Variants in SLC22A5 observed in about 807,000 individuals in gnomAD.
SLC22A5 encodes organic cation/carnitine transporter 2.
In SLC22A5, 44 loss-of-function variants were observed where a neutral mutation model predicts 56.7. The observed-to-expected ratio is 0.78, with a 90% CI of 0.61 to 1.00. The LOEUF is 1.00. Ranked by LOEUF, SLC22A5 falls within the 50% of genes least tolerant of loss-of-function variation. The pLI is 0.00. For synonymous variants in SLC22A5, 278 were observed against 292.1 expected (o/e 0.95, Z 0.49); for missense variants, 675 against 723.0 (o/e 0.93, Z 0.76).
At chr5:132,370,835 A>G (rs979821225) in intron 1 of SLC22A5, among the ~76,000 whole-genome samples, 1 of 152,178 alleles carries the variant, frequency 6.6e-6, no homozygotes, top group Non-Finnish European at 1.5e-5. Flanking sequence ...TGTGTATACA[A>G]CTGCCTCTTC....
chr5:132,382,915 A>G (rs1167326857), intron 2 of SLC22A5: 2 of 152,210 alleles, frequency 1.3e-5, no homozygotes, highest in Non-Finnish European at 2.9e-5. Context: ...GCCAGACTCA[A>G]ACTGAACCCA....
chr5:132,377,869 G>T, intron 1 of SLC22A5: 2 of 404,878 alleles, frequency 4.9e-6, no homozygotes, highest in South Asian at 7.3e-5. Context: ...GGGGGTCATT[G>T]GCCCAGGGTG....
At chr5:132,386,016 G>A (rs1752512956) in intron 4 of SLC22A5, among the ~76,000 whole-genome samples, 1 of 152,246 alleles carries the variant, frequency 6.6e-6, no homozygotes, top group Non-Finnish European at 1.5e-5. Flanking sequence ...ACCCCTTGCA[G>A]GTGGAGAAGG....
chr5:132,385,205 G>T, intron 3 of SLC22A5, 123 bp from the exon 4 acceptor site: 1 of 909,244 alleles, frequency 1.1e-6, no homozygotes, highest in South Asian at 1.3e-5. Context: ...GCTCCCTAGC[G>T]CCATGAACTT....
chr5:132,392,077 A>G (rs1317671528), intron 7 of SLC22A5, among the ~76,000 whole-genome samples: 1 of 152,246 alleles, frequency 6.6e-6, no homozygotes, highest in Non-Finnish European at 1.5e-5. Context: ...TCATCTAAAC[A>G]TCATGAGTTA....
At chr5:132,385,539 T>C in intron 4 of SLC22A5, 40 bp downstream of exon 4, 1 of 1,585,282 alleles carries the variant, frequency 6.3e-7, no homozygotes, top group Non-Finnish European at 8.7e-7. Context: ...ACTGGCAGGA[T>C]GATTTCTGTC....
At chr5:132,377,898 G>A in intron 1 of SLC22A5, 2 of 525,878 alleles carry the variant, frequency 3.8e-6, no homozygotes, top group Non-Finnish European at 6.8e-6. Flanking sequence ...AGCAGAGCAG[G>A]TCCAGATGGT....
rs553248210 is a variant in SLC22A5 at position 132,370,454 on chromosome 5, A to G, written c.393+89A>G. ...CCGAGCTCCTCTCTCCCAGATGCGC[A>G]CTGGACGCTGTCACTCCCCCTCCCC... On this transcript the variant is annotated intron_variant, in intron 1 of 9. Coordinates refer to ENST00000245407, the MANE Select transcript of SLC22A5 (RefSeq NM_003060.4). 25 of 1,394,312 alleles carry G rather than the reference A, an allele frequency of 1.8e-5. No homozygotes were observed. The South Asian group carries it at 2.7e-4, about 15-fold the overall frequency. The allele number at this position is 1,394,312 out of a possible 1,614,324, so 86.4% of individuals were successfully genotyped here.
Position 132,388,925 on chromosome 5 carries a change from A to G in SLC22A5, c.956A>G (p.Gln319Arg), listed in dbSNP as rs1456314715. ...PSTIFDPSEL[Q>R]DLSSKKQQSH... ...CTTATGATGTTGTTCCTGCAGTTAC[A>G]AGACCTAAGTTCCAAGAAGCAGCAG... The change falls in exon 6 of 10, where the codon CAA (glutamine) becomes CGA (arginine). Residue 319 changes from glutamine (Q) to arginine (R), a missense_variant. Coordinates refer to ENST00000245407, the MANE Select transcript of SLC22A5 (RefSeq NM_003060.4). 1.9e-6 allele frequency: 3 copies of G among 1,610,076 alleles called. No individual in the cohort carries two copies. Among genetic ancestry groups the G allele is most frequent in the African/African-American group, 2.7e-5 (2 of 74,964 alleles).
chr5:132,374,000 C>G (rs1752042314), intron 1 of SLC22A5, among the ~76,000 whole-genome samples: 1 of 151,982 alleles, frequency 6.6e-6, no homozygotes, highest in African/African-American at 2.4e-5. Flanking sequence ...AGGTGGATCA[C>G]AAGGCAGGAG....
chr5:132,387,262 C>A, intron 5 of SLC22A5, 111 bp downstream of exon 5: 1 of 1,324,908 alleles, frequency 7.5e-7, no homozygotes. Context: ...CTCTCTCCGC[C>A]CAAGCCCCAA....
chr5:132,384,721 T>C (rs775990123), intron 3 of SLC22A5, among the ~76,000 whole-genome samples: 68 of 152,230 alleles, frequency 4.5e-4, no homozygotes, highest in Non-Finnish European at 7.9e-4. Flanking sequence ...GAACCCCTTG[T>C]CTGCAGAGCA....
Position 132,383,881 on chromosome 5 carries a change from A to T in SLC22A5, c.498-266A>T, listed in dbSNP as rs143429111. 1.4e-3 allele frequency: 690 copies of T among 506,056 alleles called. 5 individuals carry two copies. Among genetic ancestry groups the T allele is most frequent in the African/African-American group, 0.012 (616 of 52,372 alleles). 31.3% of individuals were successfully genotyped at this position (506,056 alleles called of 1,614,324 possible). A position where few individuals can be genotyped will look rare whatever the true frequency, so the allele number is the denominator to read the frequency against. On this transcript the variant is annotated intron_variant, in intron 2 of 9. Coordinates refer to ENST00000245407, the MANE Select transcript of SLC22A5 (RefSeq NM_003060.4). ...AATGTATGGATTAAATAATTGATGT[A>T]TTTCAGTCTCTTGCAATCATTATCA...
rs1308198123 is a variant in SLC22A5, at chr5:132,378,808, A to G, written c.497+327A>G. ...CTGTGACTCTGTCATGCCCCTGAGC[A>G]TGGGAGAGGTTGACATCATGCACAC... is the stretch of plus-strand genomic sequence containing the variant. On this transcript the variant is annotated intron_variant, in intron 2 of 9. Transcript: ENST00000245407. 13 of 384,594 alleles carry G rather than the reference A, an allele frequency of 3.4e-5. No homozygotes were observed. In the East Asian group the frequency reaches 8.3e-4, roughly 24 times the overall value. The allele number at this position is 384,594 out of a possible 1,614,324, so 23.8% of individuals were successfully genotyped here.
intron 1 of SLC22A5, 32 bp downstream of exon 1, chr5:132,370,397 A>G: frequency 6.2e-7 from 1 of 1,607,242 alleles, no homozygotes. Context: ...GGCTGAGACC[A>G]GGGCTCGGAG....
chr5:132,386,128 T>C (rs1323980090), intron 4 of SLC22A5, among the ~76,000 whole-genome samples: 3 of 152,228 alleles, frequency 2.0e-5, no homozygotes, highest in Non-Finnish European at 4.4e-5. Flanking sequence ...GGGGGGCGGC[T>C]ACCTGGTCCC....
intron 7 of SLC22A5, 32 bp downstream of exon 7, chr5:132,390,936 C>T (rs772246602): frequency 1.3e-6 from 2 of 1,540,228 alleles, no homozygotes. Context: ...GGTTTGGGGT[C>T]TTCACTGAGT....
rs114405421 is a variant in SLC22A5, at chr5:132,372,874, T to C, written c.393+2509T>C. Among the ~76,000 whole-genome samples the C allele has an allele frequency of 4.7e-3, 709 of 152,328 alleles. 2 individuals carry two copies. Among genetic ancestry groups the C allele is most frequent in the Non-Finnish European group, 7.8e-3 (529 of 68,034 alleles). ...CATCTAGTCCCATGCCTGCTAAATG[T>C]CTCTAAGCCTGCCCTCTGCCCCAAA... On this transcript the variant is annotated intron_variant, in intron 1 of 9. Coordinates refer to ENST00000245407, the MANE Select transcript of SLC22A5 (RefSeq NM_003060.4).
intron 4 of SLC22A5, among the ~76,000 whole-genome samples, 200 bp from the exon 5 acceptor site, chr5:132,386,825 C>T (rs540758399): frequency 1.3e-4 from 20 of 152,292 alleles, no homozygotes; most frequent in Admixed American, 6.5e-4. Flanking sequence ...CATTTTTGTG[C>T]GGTGTGGGGT....
Sources: allele counts gnomAD v4.1 joint callset (sites outside exome capture counted in the v4.1 genomes callset), GRCh38; gene constraint gnomAD v4.1.1; transcripts MANE v1.5; gene names NCBI Gene and HGNC (gene_info 2026-07-23, HGNC 2026-07-21).